Variants in TMEM108 observed in about 807,000 individuals in gnomAD.
TMEM108 encodes transmembrane protein 108, also known as cancer/testis antigen 124.
A neutral mutation model predicts 35.1 loss-of-function variants in TMEM108; 12 were observed. The observed-to-expected ratio is 0.34, with a 90% CI of 0.22 to 0.55. The LOEUF (loss-of-function observed/expected upper bound fraction) is 0.55, where lower values mean the gene tolerates loss of function less well. Ranked by LOEUF, TMEM108 falls within the 20% of genes least tolerant of loss-of-function variation. The probability of loss-of-function intolerance (pLI) is 0.89; values close to 1 mark genes in which losing one functional copy is unlikely to be tolerated. For synonymous variants in TMEM108, 287 were observed against 308.6 expected (o/e 0.93, Z 0.73); for missense variants, 680 against 753.3 (o/e 0.90, Z 1.14).
rs571554217 is a variant in TMEM108, at chr3:133,311,966, G to T, written c.41-67786G>T. Among the ~76,000 whole-genome samples the T allele has an allele frequency of 2.0e-5, 3 of 152,312 alleles. No individual in the cohort carries two copies. The South Asian group carries it at 6.2e-4, about 32-fold the overall frequency. The stretch of plus-strand genomic sequence containing the variant: ...TGTTAGTTTTCCTTCTAACAGTCAG[G>T]TCTCTCAGCTGCAGGTCTGTTGGAG... On this transcript the variant is annotated intron_variant, in intron 3 of 5. Transcript: ENST00000321871.
intron 3 of TMEM108, among the ~76,000 whole-genome samples, chr3:133,275,870 G>T (rs1489388536): frequency 1.3e-5 from 2 of 152,192 alleles, no homozygotes; most frequent in African/African-American, 4.8e-5. Flanking sequence ...ATAAAGGATT[G>T]TGAGTCTGTA....
chr3:133,278,891 A>G (rs1002749697), intron 3 of TMEM108, among the ~76,000 whole-genome samples: 9 of 152,216 alleles, frequency 5.9e-5, no homozygotes, highest in African/African-American at 2.2e-4. Context: ...CTAATGAATT[A>G]GAATTTACAT....
intron 3 of TMEM108, among the ~76,000 whole-genome samples, chr3:133,243,063 G>A (rs1192782333): frequency 2.6e-5 from 4 of 152,208 alleles, no homozygotes; most frequent in Admixed American, 2.6e-4. Context: ...ATCATGCCTG[G>A]GCATCCCTGG....
intron 2 of TMEM108, among the ~76,000 whole-genome samples, chr3:133,047,833 G>C (rs1280298926): frequency 6.6e-6 from 1 of 152,174 alleles, no homozygotes; most frequent in African/African-American, 2.4e-5. Context: ...GTCTAATGAA[G>C]TAATGTACAT....
intron 2 of TMEM108, among the ~76,000 whole-genome samples, chr3:133,224,554 T>C (rs6797056): frequency 0.39 from 59,980 of 151,862 alleles, 12,136 homozygotes; most frequent in South Asian, 0.51. Context: ...TTCCCTATAC[T>C]GTTCTCATGG....
At chr3:133,171,916 C>T (rs1243701818) in intron 2 of TMEM108, among the ~76,000 whole-genome samples, 2 of 152,210 alleles carry the variant, frequency 1.3e-5, no homozygotes, top group East Asian at 3.8e-4. Flanking sequence ...TCACAATTTC[C>T]TGCAAGAATG....
chr3:133,254,701 T>G (rs1946520814), intron 3 of TMEM108, among the ~76,000 whole-genome samples: 2 of 152,348 alleles, frequency 1.3e-5, no homozygotes, highest in Admixed American at 1.3e-4. Flanking sequence ...CTACTTGATA[T>G]TCTCATAATC....
In TMEM108 at chr3:133,135,354, G is replaced by C. The variant is rs186796856; in HGVS notation, c.-47+89334G>C. On this transcript the variant is annotated intron_variant, in intron 2 of 5. Coordinates refer to ENST00000321871, the MANE Select transcript of TMEM108 (RefSeq NM_023943.4). ...TAGGACAAAGTGTTGAGAGCACAGA[G>C]AGGGGAGACTAACTCTAGAGAGTGA... Among the ~76,000 whole-genome samples, 3 of 152,326 alleles carry C rather than the reference G, an allele frequency of 2.0e-5. No individual in the cohort carries two copies. In the East Asian group the frequency reaches 5.8e-4, roughly 29 times the overall value.
intron 2 of TMEM108, among the ~76,000 whole-genome samples, chr3:133,194,109 G>T (rs1386860281): frequency 6.6e-6 from 1 of 151,842 alleles, no homozygotes; most frequent in East Asian, 1.9e-4. Context: ...GCTAATTTTT[G>T]TATTTTTAGT....
chr3:133,291,588 T>TG (rs1947070416), intron 3 of TMEM108, among the ~76,000 whole-genome samples: 1 of 71,404 alleles, frequency 1.4e-5, no homozygotes, highest in Non-Finnish European at 3.9e-5. Context: ...TACCAGTGAG[T>TG]TTTTTTTAAT....
chr3:133,073,678 G>A (rs1199996479), intron 2 of TMEM108, among the ~76,000 whole-genome samples: 3 of 151,482 alleles, frequency 2.0e-5, no homozygotes, highest in East Asian at 3.9e-4. Context: ...TATATACCCA[G>A]TAGTAGGATT....
chr3:133,111,927 T>G (rs938613601), intron 2 of TMEM108, among the ~76,000 whole-genome samples: 2 of 152,200 alleles, frequency 1.3e-5, no homozygotes, highest in African/African-American at 4.8e-5. Context: ...CACTTAGTTC[T>G]GTGGGGAGAG....
intron 3 of TMEM108, among the ~76,000 whole-genome samples, chr3:133,351,949 G>A (rs2072014106): frequency 6.6e-6 from 1 of 152,126 alleles, no homozygotes; most frequent in Non-Finnish European, 1.5e-5. Context: ...AAACCCCGTT[G>A]ACTCCATTGA....
chr3:133,267,459 T>A (rs112612370), intron 3 of TMEM108, among the ~76,000 whole-genome samples: 3 of 152,236 alleles, frequency 2.0e-5, no homozygotes, highest in African/African-American at 7.2e-5. Flanking sequence ...TTATCCTAGA[T>A]GAAAGATATC....
Position 133,158,439 on chromosome 3 carries a change from G to C in TMEM108, c.-46-70827G>C, listed in dbSNP as rs149644760. 2.8e-3 allele frequency among the ~76,000 whole-genome samples: 353 copies of C among 126,034 alleles called. 4 individuals carry two copies. In the East Asian group the frequency reaches 0.028, roughly 10 times the overall value. The allele number at this position is 126,034 out of a possible 152,430, so 82.7% of individuals were successfully genotyped here. On this transcript the variant is annotated intron_variant, in intron 2 of 5. Coordinates refer to ENST00000321871, the MANE Select transcript of TMEM108 (RefSeq NM_023943.4). Reference sequence around the variant, plus strand: ...GCCGAGATCGCGCCACTGCACTCTAGCCTGGCAACAGAGTGAGACTCTGTC... The same window carrying C: ...GCCGAGATCGCGCCACTGCACTCTACCCTGGCAACAGAGTGAGACTCTGTC...
intron 3 of TMEM108, among the ~76,000 whole-genome samples, chr3:133,311,407 T>C (rs1021605269): frequency 5.3e-5 from 8 of 152,194 alleles, no homozygotes; most frequent in Admixed American, 4.6e-4. Flanking sequence ...GCTTTGTCCA[T>C]TTCTTTTTAC....
rs187371133 is a variant in TMEM108, at chr3:133,187,687, T to C, written c.-46-41579T>C. Among the ~76,000 whole-genome samples, 258 of 152,006 alleles carry C rather than the reference T, an allele frequency of 1.7e-3. 2 individuals carry two copies. The highest frequency in any genetic ancestry group is 6.0e-3 in the African/African-American group (249 of 41,436). On this transcript the variant is annotated intron_variant, in intron 2 of 5. Coordinates refer to ENST00000321871, the MANE Select transcript of TMEM108 (RefSeq NM_023943.4). The stretch of plus-strand genomic sequence containing the variant: ...ACTGCTTGAACCCAGGAGGCAGAGA[T>C]TGTAGTGAGCCAAGGTCATGCCATT...
rs183037925 is a variant in TMEM108 at position 133,073,727 on chromosome 3, A to G, written c.-47+27707A>G. ...GTAGTTCTATTTTAATTTTTTGAGG[A>G]ACTTCCATACTGTTTTCCATAGTCA... On this transcript the variant is annotated intron_variant, in intron 2 of 5. Transcript: ENST00000321871. Among the ~76,000 whole-genome samples the G allele has an allele frequency of 4.4e-4, 66 of 151,504 alleles. No homozygotes were observed. In the East Asian group the frequency reaches 0.011, roughly 26 times the overall value.
intron 3 of TMEM108, among the ~76,000 whole-genome samples, chr3:133,233,736 C>G (rs1265883584): frequency 1.3e-5 from 2 of 150,544 alleles, no homozygotes; most frequent in Non-Finnish European, 3.0e-5. Context: ...GCCATTCTAC[C>G]TGGTGTGAGA....
Sources: allele counts gnomAD v4.1 joint callset (sites outside exome capture counted in the v4.1 genomes callset), GRCh38; gene constraint gnomAD v4.1.1; transcripts MANE v1.5; gene names NCBI Gene and HGNC (gene_info 2026-07-23, HGNC 2026-07-21).